The following ZRANB3 variants were observed in gnomAD, a reference collection of about 807,000 sequenced individuals.
The protein encoded by ZRANB3 is DNA annealing helicase and endonuclease ZRANB3.
In ZRANB3, 125 loss-of-function variants were observed where a neutral mutation model predicts 133.8. That is an observed-to-expected ratio of 0.93 (90% CI 0.81 to 1.08). The LOEUF is 1.08. Ranked by LOEUF, ZRANB3 falls within the 50% of genes least tolerant of loss-of-function variation. The pLI is 0.00. For synonymous variants in ZRANB3, 387 were observed against 432.7 expected (o/e 0.89, Z 1.31); for missense variants, 1,229 against 1,275.5 (o/e 0.96, Z 0.56).
intron 2 of ZRANB3, among the ~76,000 whole-genome samples, chr2:135,467,187 G>A (rs1269676782): frequency 6.6e-6 from 1 of 151,748 alleles, no homozygotes; most frequent in Non-Finnish European, 1.5e-5. Context: ...TTCATTCTCT[G>A]CTCCCATTTA....
chr2:135,241,291 C>T (rs1695539428), intron 12 of ZRANB3, among the ~76,000 whole-genome samples: 1 of 150,994 alleles, frequency 6.6e-6, no homozygotes, highest in African/African-American at 2.4e-5. Context: ...ACTTATCTTT[C>T]AACCCTTCTA....
intron 2 of ZRANB3, among the ~76,000 whole-genome samples, chr2:135,486,220 CAGT>C (rs1238249215): frequency 5.9e-5 from 9 of 152,136 alleles, no homozygotes; most frequent in Admixed American, 5.9e-4. Context: ...ATTTTAGTAA[CAGT>C]AGAAGTTCTT....
At chr2:135,381,565 C>T (rs1483073834) in intron 3 of ZRANB3, among the ~76,000 whole-genome samples, 1 of 152,164 alleles carries the variant, frequency 6.6e-6, no homozygotes, top group Non-Finnish European at 1.5e-5. Context: ...GGTCCCTGAC[C>T]CCTGAGTAGC....
At chr2:135,381,793 G>T (rs1686711908) in intron 3 of ZRANB3, among the ~76,000 whole-genome samples, 1 of 152,180 alleles carries the variant, frequency 6.6e-6, no homozygotes, top group Non-Finnish European at 1.5e-5. Flanking sequence ...CTGACTGTTA[G>T]AAGGAAAACT....
intron 3 of ZRANB3, among the ~76,000 whole-genome samples, chr2:135,364,365 T>G (rs1491002936): frequency 1.3e-5 from 2 of 152,222 alleles, no homozygotes; most frequent in Non-Finnish European, 2.9e-5. Flanking sequence ...GTATCTGGTT[T>G]CTTGACTGAC....
intron 3 of ZRANB3, among the ~76,000 whole-genome samples, chr2:135,379,510 T>C (rs1164445029): frequency 6.6e-6 from 1 of 152,190 alleles, no homozygotes; most frequent in East Asian, 1.9e-4. Context: ...CTTCTAGTTA[T>C]ATGTCCTTGG....
intron 3 of ZRANB3, among the ~76,000 whole-genome samples, chr2:135,361,290 T>C (rs1685684088): frequency 6.6e-6 from 1 of 152,166 alleles, no homozygotes; most frequent in Admixed American, 6.5e-5. Context: ...AATCAAAGTC[T>C]TGAATAAACA....
intron 2 of ZRANB3, among the ~76,000 whole-genome samples, chr2:135,428,690 ATTTAAC>A (rs1209246463): frequency 6.6e-6 from 1 of 152,204 alleles, no homozygotes; most frequent in Non-Finnish European, 1.5e-5. Context: ...TAACTTTGCC[ATTTAAC>A]TTTAACTTTG....
chr2:135,499,309 C>T (rs1032180047), intron 2 of ZRANB3, among the ~76,000 whole-genome samples: 3 of 152,094 alleles, frequency 2.0e-5, no homozygotes, highest in Non-Finnish European at 2.9e-5. Flanking sequence ...GAAAGAAGTG[C>T]CAGCCATAGA....
At chr2:135,285,465 A>G (rs1014987318) in intron 8 of ZRANB3, among the ~76,000 whole-genome samples, 2 of 152,222 alleles carry the variant, frequency 1.3e-5, no homozygotes, top group African/African-American at 2.4e-5. Flanking sequence ...CTTCAGTCTC[A>G]TATCTTCCCA....
chr2:135,211,448 G>A (rs568146437), intron 17 of ZRANB3, among the ~76,000 whole-genome samples: 2 of 152,180 alleles, frequency 1.3e-5, no homozygotes, highest in South Asian at 4.1e-4. Context: ...GGCAGGGGCA[G>A]GAGAATCACT....
At chr2:135,304,880 A>T (rs1682603384) in intron 8 of ZRANB3, among the ~76,000 whole-genome samples, 1 of 152,030 alleles carries the variant, frequency 6.6e-6, no homozygotes, top group African/African-American at 2.4e-5. Flanking sequence ...CAGTCTTTTT[A>T]TTCTATTTTA....
At chr2:135,472,244 T>A (rs1456630022) in intron 2 of ZRANB3, among the ~76,000 whole-genome samples, 3 of 152,198 alleles carry the variant, frequency 2.0e-5, no homozygotes, top group Admixed American at 1.3e-4. Flanking sequence ...CTCATGCCTA[T>A]AATCCCAGCA....
chr2:135,359,687 G>A (rs1382685588), intron 3 of ZRANB3, among the ~76,000 whole-genome samples: 1 of 152,064 alleles, frequency 6.6e-6, no homozygotes, highest in Non-Finnish European at 1.5e-5. Context: ...TAATCTACTT[G>A]AAGATCATAC....
chr2:135,238,139 T>C (rs1695385075), intron 12 of ZRANB3, among the ~76,000 whole-genome samples: 1 of 152,182 alleles, frequency 6.6e-6, no homozygotes, highest in Non-Finnish European at 1.5e-5. Flanking sequence ...CATGGTTAAT[T>C]AGCTACAGTT....
chr2:135,333,629 TA>T (rs1182315597), intron 6 of ZRANB3, among the ~76,000 whole-genome samples: 7 of 152,160 alleles, frequency 4.6e-5, no homozygotes, highest in African/African-American at 1.7e-4. Flanking sequence ...TTATAGGGAC[TA>T]GGGGAGGCGG....
At chr2:135,218,486 C>T (rs535273329) in intron 16 of ZRANB3, among the ~76,000 whole-genome samples, 19 of 151,436 alleles carry the variant, frequency 1.3e-4, no homozygotes, top group South Asian at 4.2e-4. Flanking sequence ...AGTTGACCTA[C>T]GGGCAATGCT....
At chr2:135,511,327 A>C (rs1693442602) in intron 1 of ZRANB3, 1 of 866,984 alleles carries the variant, frequency 1.2e-6, no homozygotes, top group East Asian at 2.4e-5. Context: ...TCAGATACAC[A>C]TTCTTGTTCT....
At chr2:135,474,434 A>C (rs1213925337) in intron 2 of ZRANB3, among the ~76,000 whole-genome samples, 1 of 152,040 alleles carries the variant, frequency 6.6e-6, no homozygotes, top group Non-Finnish European at 1.5e-5. Flanking sequence ...TCGTGGGAGG[A>C]ATCTGGCTCA....
Sources: allele counts gnomAD v4.1 joint callset (sites outside exome capture counted in the v4.1 genomes callset), GRCh38; gene constraint gnomAD v4.1.1; transcripts MANE v1.5; gene names NCBI Gene and HGNC (gene_info 2026-07-23, HGNC 2026-07-21).